The following RIT2 variants were observed in gnomAD, a reference collection of about 807,000 sequenced individuals.
The protein encoded by RIT2 is Ras like without CAAX 2.
A neutral mutation model predicts 23.7 loss-of-function variants in RIT2; 24 were observed. The ratio of observed to expected loss-of-function variants is 1.01; its 90% CI spans 0.73 to 1.43. The LOEUF is 1.43. RIT2 is among the 40% of genes most tolerant of loss of function. RIT2 has a pLI of 0.00. For synonymous variants in RIT2, 107 were observed against 91.1 expected (o/e 1.17, Z -0.99); for missense variants, 236 against 266.9 (o/e 0.88, Z 0.81).
intron 1 of RIT2, among the ~76,000 whole-genome samples, chr18:43,069,568 T>C (rs982235457): frequency 1.3e-5 from 2 of 152,166 alleles, no homozygotes; most frequent in Non-Finnish European, 2.9e-5. Context: ...TTTTTGTCCT[T>C]GCCCACCTAC....
chr18:43,114,618 C>T (rs112063993), intron 1 of RIT2, among the ~76,000 whole-genome samples: 3,965 of 152,116 alleles, frequency 0.026, 130 homozygotes, highest in African/African-American at 0.08. Context: ...GCCATAGCTC[C>T]GAGCTATCTA....
intron 2 of RIT2, among the ~76,000 whole-genome samples, chr18:42,992,540 C>T (rs1054293923): frequency 1.3e-5 from 2 of 152,076 alleles, no homozygotes; most frequent in African/African-American, 2.4e-5. Context: ...CCTCTCTCTT[C>T]CTACCCAGGC....
At chr18:42,861,988 T>A (rs1907340189) in intron 4 of RIT2, among the ~76,000 whole-genome samples, 1 of 152,220 alleles carries the variant, frequency 6.6e-6, no homozygotes, top group East Asian at 1.9e-4. Context: ...ATCCTGGATG[T>A]TTGATATTTA....
intron 2 of RIT2, among the ~76,000 whole-genome samples, chr18:43,026,638 G>A (rs377319858): frequency 2.1e-4 from 26 of 123,708 alleles, no homozygotes; most frequent in African/African-American, 7.1e-4. Context: ...GAAAGAAAGA[G>A]AGAAAGAAGG....
intron 1 of RIT2, among the ~76,000 whole-genome samples, chr18:43,080,523 C>T (rs1913132239): frequency 6.6e-6 from 1 of 152,172 alleles, no homozygotes; most frequent in African/African-American, 2.4e-5. Flanking sequence ...AAACCTACCT[C>T]CTTACCTCAC....
chr18:43,072,178 G>A (rs1246811006), intron 1 of RIT2, among the ~76,000 whole-genome samples: 2 of 151,962 alleles, frequency 1.3e-5, no homozygotes, highest in East Asian at 3.9e-4. Context: ...TAGAGACGGG[G>A]TTTTACCATG....
At chr18:42,777,776 A>G (rs1046625970) in intron 4 of RIT2, among the ~76,000 whole-genome samples, 1 of 152,176 alleles carries the variant, frequency 6.6e-6, no homozygotes, top group East Asian at 1.9e-4. Context: ...TGAAGAGGCT[A>G]GTTGTTTTCT....
chr18:43,052,817 G>A (rs1393444701), intron 1 of RIT2, among the ~76,000 whole-genome samples: 1 of 152,048 alleles, frequency 6.6e-6, no homozygotes, highest in Non-Finnish European at 1.5e-5. Context: ...ACATAGGTCT[G>A]TGACTTCGAG....
At chr18:42,865,942 A>G (rs1372938357) in intron 4 of RIT2, among the ~76,000 whole-genome samples, 1 of 152,132 alleles carries the variant, frequency 6.6e-6, no homozygotes, top group African/African-American at 2.4e-5. Flanking sequence ...ATTTCTACCT[A>G]GGCAACTTTT....
rs1404521363 is a variant in RIT2 at position 42,787,195 on chromosome 18, G to T, written c.427-43475C>A. On this transcript the variant is annotated intron_variant, in intron 4 of 4. Coordinates refer to ENST00000326695, the MANE Select transcript of RIT2 (RefSeq NM_002930.4). ...CTTCCTGTGTCCCAGTGTTCTCATTGTTCAATTCCCACCTATGAATGAGAA... is the reference window on the plus strand; with the variant it reads ...CTTCCTGTGTCCCAGTGTTCTCATTTTTCAATTCCCACCTATGAATGAGAA... 2.2e-5 allele frequency among the ~76,000 whole-genome samples: 3 copies of T among 133,766 alleles called. No homozygotes were observed. In the East Asian group the frequency reaches 6.7e-4, roughly 30 times the overall value. The allele number at this position is 133,766 out of a possible 152,430, so 87.8% of individuals were successfully genotyped here.
At chr18:43,078,715 G>A (rs999146632) in intron 1 of RIT2, among the ~76,000 whole-genome samples, 20 of 152,180 alleles carry the variant, frequency 1.3e-4, no homozygotes, top group African/African-American at 4.3e-4. Flanking sequence ...TTCCCGGGAC[G>A]TTTTTGGCCT....
At chr18:42,777,495 A>T (rs684010) in intron 4 of RIT2, among the ~76,000 whole-genome samples, 3 of 152,108 alleles carry the variant, frequency 2.0e-5, no homozygotes, top group Non-Finnish European at 4.4e-5. Flanking sequence ...ATAACCGGGG[A>T]AATGTGGAAT....
chr18:43,038,299 T>A (rs1912037252), intron 1 of RIT2, among the ~76,000 whole-genome samples: 1 of 145,352 alleles, frequency 6.9e-6, no homozygotes, highest in Non-Finnish European at 1.5e-5. Context: ...TCTAGAACTT[T>A]TTATTGAATC....
chr18:43,027,915 GA>G (rs1214429001), intron 2 of RIT2, among the ~76,000 whole-genome samples: 2 of 152,018 alleles, frequency 1.3e-5, no homozygotes, highest in South Asian at 2.1e-4. Flanking sequence ...GATAACAGGG[GA>G]AAAAAATGTC....
At chr18:43,105,132 T>TTGTGTG (rs1226796817) in intron 1 of RIT2, among the ~76,000 whole-genome samples, 4 of 87,808 alleles carry the variant, frequency 4.6e-5, no homozygotes, top group Non-Finnish European at 9.7e-5. Context: ...GTGTGTGTGT[T>TTGTGTG]TGTGTGTGTG....
At chr18:42,831,909 A>G (rs959162474) in intron 4 of RIT2, among the ~76,000 whole-genome samples, 4 of 152,120 alleles carry the variant, frequency 2.6e-5, no homozygotes, top group African/African-American at 9.7e-5. Context: ...AATGGCTGTG[A>G]CCCTACACTA....
At position 42,944,482 on chromosome 18, in the gene RIT2, T is replaced by C. The variant is rs201951638; in HGVS notation, c.235-20719A>G. ...CACAGGACAGGTGATCACTGAGTCT[T>C]AGGAAGGACTGATTGGCCAGATGGG... On this transcript the variant is annotated intron_variant, in intron 3 of 4. Coordinates refer to ENST00000326695, the MANE Select transcript of RIT2 (RefSeq NM_002930.4). 3.3e-5 allele frequency among the ~76,000 whole-genome samples: 5 copies of C among 152,114 alleles called. No homozygotes were observed. The East Asian group carries it at 9.7e-4, about 30-fold the overall frequency.
chr18:43,042,595 T>C (rs909409766), intron 1 of RIT2, among the ~76,000 whole-genome samples: 17 of 152,200 alleles, frequency 1.1e-4, no homozygotes, highest in Non-Finnish European at 2.2e-4. Flanking sequence ...TGAATTTAAA[T>C]CAAAACCCAT....
intron 2 of RIT2, among the ~76,000 whole-genome samples, chr18:43,022,354 C>A (rs561741696): frequency 6.6e-6 from 1 of 152,070 alleles, no homozygotes; most frequent in African/African-American, 2.4e-5. Flanking sequence ...TAGAAACATA[C>A]AGTTAGACTG....
Sources: allele counts gnomAD v4.1 joint callset (sites outside exome capture counted in the v4.1 genomes callset), GRCh38; gene constraint gnomAD v4.1.1; transcripts MANE v1.5; gene names NCBI Gene and HGNC (gene_info 2026-07-23, HGNC 2026-07-21).